Variants in SLC9A9 observed in about 807,000 individuals in gnomAD.
SLC9A9 encodes sodium/hydrogen exchanger 9.
In SLC9A9, 62 loss-of-function variants were observed where a neutral mutation model predicts 77.8. The observed-to-expected ratio is 0.80, with a 90% CI of 0.65 to 0.98. The LOEUF is 0.98. Among genes scored for constraint, SLC9A9 ranks in the 50% least tolerant of loss-of-function variants. SLC9A9 has a pLI of 0.00. For synonymous variants in SLC9A9, 320 were observed against 283.5 expected (o/e 1.13, Z -1.29); for missense variants, 775 against 774.9 (o/e 1.00, Z 0.00).
intron 12 of SLC9A9, among the ~76,000 whole-genome samples, chr3:143,450,049 A>ATC: frequency 2.1e-5 from 2 of 96,766 alleles, no homozygotes; most frequent in Admixed American, 1.7e-4. Context: ...ATGTATATAT[A>ATC]CACACATATA....
intron 1 of SLC9A9, among the ~76,000 whole-genome samples, chr3:143,836,831 ATAAAATATGATTTTGCCCT>A (rs1273663776): frequency 6.6e-6 from 1 of 152,244 alleles, no homozygotes; most frequent in Non-Finnish European, 1.5e-5. Flanking sequence ...ATAAAGATAA[ATAAAATATGATTTTGCCCT>A]TAAAATATTA....
intron 4 of SLC9A9, among the ~76,000 whole-genome samples, chr3:143,791,794 C>T (rs1212212788): frequency 6.6e-6 from 1 of 152,190 alleles, no homozygotes; most frequent in African/African-American, 2.4e-5. Context: ...CGTATATCTG[C>T]ATAAACTCAG....
chr3:143,669,431 T>C (rs1443211469), intron 5 of SLC9A9, among the ~76,000 whole-genome samples: 2 of 152,232 alleles, frequency 1.3e-5, no homozygotes, highest in East Asian at 3.8e-4. Flanking sequence ...CAGCTGTCCA[T>C]GGAGCTGTTG....
chr3:143,708,273 C>G (rs900438062), intron 4 of SLC9A9, among the ~76,000 whole-genome samples: 2 of 152,066 alleles, frequency 1.3e-5, no homozygotes, highest in African/African-American at 4.8e-5. Flanking sequence ...CACAGAGCAC[C>G]ACTTGGGCCA....
At position 143,633,722 on chromosome 3, in the gene SLC9A9, C is replaced by A. The variant is rs1016044871; in HGVS notation, c.755+18533G>T. Among the ~76,000 whole-genome samples, 34 of 152,268 alleles carry A rather than the reference C, an allele frequency of 2.2e-4. 1 individual carries two copies. The highest frequency in any genetic ancestry group is 6.3e-4 in the African/African-American group (26 of 41,562). On this transcript the variant is annotated intron_variant, in intron 6 of 15. Coordinates refer to ENST00000316549, the MANE Select transcript of SLC9A9 (RefSeq NM_173653.4). ...CATTGAACATATCTATAGCTATACACACACAAGATCTATAAAATACTATCT... is the reference window on the plus strand; with the variant it reads ...CATTGAACATATCTATAGCTATACAAACACAAGATCTATAAAATACTATCT...
chr3:143,622,980 C>G (rs1470902275), intron 6 of SLC9A9, among the ~76,000 whole-genome samples: 1 of 152,194 alleles, frequency 6.6e-6, no homozygotes, highest in Non-Finnish European at 1.5e-5. Context: ...TCTGATAAAA[C>G]AGACTTTAAA....
intron 9 of SLC9A9, among the ~76,000 whole-genome samples, chr3:143,535,725 T>C (rs1035626434): frequency 2.0e-5 from 3 of 152,212 alleles, no homozygotes; most frequent in African/African-American, 4.8e-5. Context: ...CCCAAATATA[T>C]ATAATAATAT....
intron 4 of SLC9A9, among the ~76,000 whole-genome samples, chr3:143,734,361 G>A (rs113320681): frequency 0.021 from 3,128 of 152,192 alleles, 107 homozygotes; most frequent in African/African-American, 0.072. Context: ...GCCTGTGTGT[G>A]TCTGTGTGTT....
intron 14 of SLC9A9, among the ~76,000 whole-genome samples, chr3:143,289,301 C>T (rs370640100): frequency 5.3e-5 from 8 of 152,158 alleles, no homozygotes; most frequent in African/African-American, 1.4e-4. Context: ...AAGGCTGCTC[C>T]GGTACAGTTT....
chr3:143,737,175 G>A (rs1022276526), intron 4 of SLC9A9, among the ~76,000 whole-genome samples: 11 of 152,036 alleles, frequency 7.2e-5, no homozygotes, highest in Non-Finnish European at 8.8e-5. Context: ...CTTTCGTCAC[G>A]AAAACAACAT....
chr3:143,812,340 T>C (rs138568278), intron 2 of SLC9A9, among the ~76,000 whole-genome samples: 66 of 152,246 alleles, frequency 4.3e-4, no homozygotes, highest in African/African-American at 1.2e-3. Flanking sequence ...AAAAAACAAA[T>C]CATTGAGGAT....
Position 143,780,167 on chromosome 3 carries a change from A to G in SLC9A9, c.533+14834T>C, listed in dbSNP as rs933008444. Among the ~76,000 whole-genome samples the G allele has an allele frequency of 4.6e-5, 7 of 152,236 alleles. No homozygotes were observed. In the East Asian group the frequency reaches 9.6e-4, roughly 21 times the overall value. ...TAAGCAATTTATCTACATATGTTGG[A>G]AGACAGATATTTGCCTGGATAGGGA... On this transcript the variant is annotated intron_variant, in intron 4 of 15. Coordinates refer to ENST00000316549, the MANE Select transcript of SLC9A9 (RefSeq NM_173653.4).
At chr3:143,706,598 G>A (rs1439644312) in intron 4 of SLC9A9, among the ~76,000 whole-genome samples, 4 of 152,134 alleles carry the variant, frequency 2.6e-5, no homozygotes, top group Non-Finnish European at 2.9e-5. Context: ...GTGAGTCCCC[G>A]TCCAAATCCT....
At chr3:143,375,381 T>G (rs2033159428) in intron 13 of SLC9A9, among the ~76,000 whole-genome samples, 1 of 152,208 alleles carries the variant, frequency 6.6e-6, no homozygotes, top group Admixed American at 6.5e-5. Flanking sequence ...ATACACCTGT[T>G]TTTTAGGACG....
At chr3:143,435,645 A>G (rs1350165731) in intron 12 of SLC9A9, among the ~76,000 whole-genome samples, 1 of 152,210 alleles carries the variant, frequency 6.6e-6, no homozygotes, top group African/African-American at 2.4e-5. Context: ...TCTTAAAGGT[A>G]GGAATCAATG....
chr3:143,583,106 T>C (rs2037483466), intron 6 of SLC9A9, among the ~76,000 whole-genome samples: 2 of 152,074 alleles, frequency 1.3e-5, no homozygotes, highest in Admixed American at 6.6e-5. Context: ...TGAGCTGTGA[T>C]TGGGCCACTG....
chr3:143,542,856 T>C (rs1490980465), intron 9 of SLC9A9, among the ~76,000 whole-genome samples: 1 of 152,212 alleles, frequency 6.6e-6, no homozygotes, highest in Non-Finnish European at 1.5e-5. Context: ...CCATAAACTT[T>C]TCATATAGAC....
At chr3:143,772,071 A>G (rs1576715573) in intron 4 of SLC9A9, among the ~76,000 whole-genome samples, 1 of 143,296 alleles carries the variant, frequency 7.0e-6, no homozygotes, top group African/African-American at 2.7e-5. Context: ...GGACAATGGG[A>G]GGGGGGTGAG....
intron 4 of SLC9A9, among the ~76,000 whole-genome samples, chr3:143,715,335 C>T (rs1256951815): frequency 2.0e-5 from 3 of 152,130 alleles, no homozygotes; most frequent in African/African-American, 4.8e-5. Flanking sequence ...TCTCTTTTGA[C>T]TTCAGATGTT....
Sources: allele counts gnomAD v4.1 joint callset (sites outside exome capture counted in the v4.1 genomes callset), GRCh38; gene constraint gnomAD v4.1.1; transcripts MANE v1.5; gene names NCBI Gene and HGNC (gene_info 2026-07-23, HGNC 2026-07-21).